Variants in SCNN1A observed in about 807,000 individuals in gnomAD.
The protein encoded by SCNN1A is epithelial sodium channel subunit alpha.
In SCNN1A, 65 loss-of-function variants were observed where a neutral mutation model predicts 68.6. The ratio of observed to expected loss-of-function variants is 0.95; its 90% CI spans 0.78 to 1.16. The LOEUF (loss-of-function observed/expected upper bound fraction) is 1.16, where lower values mean the gene tolerates loss of function less well. Ranked by LOEUF, SCNN1A falls within the 50% of genes most tolerant of loss-of-function variation. The pLI is 0.00. For missense variants in SCNN1A, 880 were observed against 865.9 expected (o/e 1.02, Z -0.20); for synonymous variants, 357 against 353.3 (o/e 1.01, Z -0.12).
upstream of SCNN1A, chr12:6,375,915 G>A (rs1237878795): frequency 7.7e-6 from 9 of 1,164,212 alleles, no homozygotes; most frequent in African/African-American, 3.2e-5. Context: ...GAGGGACAGC[G>A]AAGGACAGAG....
Position 6,354,569 on chromosome 12 carries a change from G to C in SCNN1A, c.1243-14C>G. On this transcript the variant is annotated splice_polypyrimidine_tract_variant and intron_variant, in intron 7 of 12. Transcript: ENST00000228916. ...GTGAATACACACCTGGAAGGGAGGAGGGTGGAGAGGAGAGGGGGTTCAGGC... is the reference window on the plus strand; with the variant it reads ...GTGAATACACACCTGGAAGGGAGGACGGTGGAGAGGAGAGGGGGTTCAGGC... The C allele has an allele frequency of 1.3e-6, 2 of 1,589,880 alleles. No individual in the cohort carries two copies. The highest frequency in any genetic ancestry group is 2.2e-5 in the South Asian group (2 of 90,586).
At chr12:6,363,924 C>G (rs997304800) in intron 2 of SCNN1A, 3 of 469,586 alleles carry the variant, frequency 6.4e-6, no homozygotes, top group African/African-American at 2.0e-5. Flanking sequence ...CGAGCCCAGC[C>G]GGGACACTGT....
intron 4 of SCNN1A, among the ~76,000 whole-genome samples, chr12:6,359,655 G>T (rs1049052303): frequency 6.6e-6 from 1 of 151,830 alleles, no homozygotes; most frequent in Non-Finnish European, 1.5e-5. Context: ...AAAGTTTCCT[G>T]AGGCCTCCCC....
intron 3 of SCNN1A, 142 bp from the exon 4 acceptor site, chr12:6,362,383 T>C: frequency 1.3e-6 from 1 of 771,288 alleles, no homozygotes; most frequent in Non-Finnish European, 2.3e-6. Flanking sequence ...AAGACAGAAG[T>C]GGAAGAGAAG....
At chr12:6,371,397 A>C (rs1948787425) in intron 2 of SCNN1A, among the ~76,000 whole-genome samples, 2 of 151,684 alleles carry the variant, frequency 1.3e-5, no homozygotes, top group African/African-American at 4.8e-5. Flanking sequence ...GCTGCCCCCG[A>C]CCCTGGGAGG....
upstream of SCNN1A, chr12:6,375,886 G>GA (rs1948898383): frequency 1.6e-6 from 2 of 1,265,874 alleles, no homozygotes; most frequent in East Asian, 7.1e-5. Flanking sequence ...CAGGAGGGCA[G>GA]AAAGAGGGAG....
Position 6,349,192 on chromosome 12 carries a change from T to C in SCNN1A, c.1469A>G (p.Tyr490Cys), listed in dbSNP as rs1478918750. The C allele has an allele frequency of 6.2e-7, 1 of 1,614,052 alleles. No homozygotes were observed. The highest frequency in any genetic ancestry group is 2.2e-5 in the East Asian group (1 of 44,884). Reference protein sequence around the residue: ...SVTSYQLSAGYSRWPSVTSQE... With the variant: ...SVTSYQLSAGCSRWPSVTSQE... ...GGATGTCACCGAGGGCCATCGTGAG[T>C]AACCAGCAGAGAGCTGGTAGCTGGT... The change falls in exon 10 of 13, where the codon TAC becomes TGC. Residue 490 changes from tyrosine (Y) to cysteine (C), a missense_variant. Physicochemically the swap from Tyr to Cys is radical, Grantham distance 194. Coordinates refer to ENST00000228916, the MANE Select transcript of SCNN1A (RefSeq NM_001038.6).
chr12:6,354,645 C>T (rs1049872742), intron 7 of SCNN1A, 90 bp from the exon 8 acceptor site: 1 of 1,413,096 alleles, frequency 7.1e-7, no homozygotes, highest in Admixed American at 1.7e-5. Context: ...TCCACCACCC[C>T]CCAGTTTCCC....
intron 12 of SCNN1A, 39 bp downstream of exon 12, chr12:6,348,688 C>T (rs947021327): frequency 1.9e-6 from 3 of 1,549,930 alleles, no homozygotes; most frequent in Non-Finnish European, 2.7e-6. Context: ...CTAAGTAAGA[C>T]CCCCAGAGCA....
At chr12:6,360,711 G>T (rs1387885647) in intron 4 of SCNN1A, among the ~76,000 whole-genome samples, 2 of 152,226 alleles carry the variant, frequency 1.3e-5, no homozygotes, top group African/African-American at 4.8e-5. Context: ...GAGGCAGGGA[G>T]ATGGCTCCGG....
At position 6,374,636 on chromosome 12, in the gene SCNN1A, C is replaced by G. The variant is rs779740460; in HGVS notation, c.148G>C (p.Glu50Gln). 1.9e-6 allele frequency: 3 copies of G among 1,613,422 alleles called. No homozygotes were observed. The highest frequency in any genetic ancestry group is 4.5e-5 in the East Asian group (2 of 44,860). ...QPTAEEEALIEFHRSYRELFE... is the reference protein window; with the variant it reads ...QPTAEEEALIQFHRSYRELFE... ...AGCTCTCGGTAGGAGCGGTGGAACTCGATCAGGGCCTCCTCCTCCGCCGTG... is the reference window on the plus strand; with the variant it reads ...AGCTCTCGGTAGGAGCGGTGGAACTGGATCAGGGCCTCCTCCTCCGCCGTG... Residue 50 changes from glutamate to glutamine, a missense_variant, in exon 2 of 13, where the codon GAG becomes CAG. Transcript: ENST00000228916. The surrounding 1 kb of genome is among the most constrained non-coding windows in gnomAD (Gnocchi z 6.2).
At chr12:6,363,860 CGTCCGGCGGTGAAGGGTAAACAGGTGT>C in intron 2 of SCNN1A, 150 bp from the exon 3 acceptor site, 1 of 605,914 alleles carries the variant, frequency 1.7e-6, no homozygotes, top group Non-Finnish European at 2.6e-6. Flanking sequence ...GCCTCCTGGC[CGTCCGGCGGTGAAGGGTAAACAGGTGT>C]GTCCGCCGGG....
intron 2 of SCNN1A, among the ~76,000 whole-genome samples, chr12:6,364,343 T>C (rs1427564058): frequency 6.6e-6 from 1 of 152,148 alleles, no homozygotes; most frequent in Non-Finnish European, 1.5e-5. Context: ...TATTACCATC[T>C]CCATCATGAA....
chr12:6,376,958 G>A (rs999482662), upstream of SCNN1A, among the ~76,000 whole-genome samples: 4 of 152,190 alleles, frequency 2.6e-5, no homozygotes, highest in South Asian at 2.1e-4. Context: ...TCTTTAAAAC[G>A]GACTTCTAAC....
At chr12:6,355,491 G>C (rs771347806) in intron 5 of SCNN1A, 56 bp from the exon 6 acceptor site, 148 of 1,587,460 alleles carry the variant, frequency 9.3e-5, no homozygotes, top group Non-Finnish European at 1.2e-4. Context: ...AAAAGAGTTA[G>C]GAGATGGAAA....
At position 6,374,252 on chromosome 12, in the gene SCNN1A, G is replaced by C; in HGVS notation, c.416+116C>G. Reference sequence around the variant, plus strand: ...CCAGCAGTGAGCTCTACCTGGGACAGGGGTGTCAGTTCCCACCCTCAGGTC... The same window carrying C: ...CCAGCAGTGAGCTCTACCTGGGACACGGGTGTCAGTTCCCACCCTCAGGTC... On this transcript the variant is annotated intron_variant, in intron 2 of 12. Transcript: ENST00000228916. This position sits in a 1 kb window ranked among gnomAD's most constrained non-coding sequence, Gnocchi z 6.2. 2.6e-6 allele frequency: 3 copies of C among 1,133,234 alleles called. No individual in the cohort carries two copies. The highest frequency in any genetic ancestry group is 3.8e-6 in the Non-Finnish European group (3 of 785,304). The allele number at this position is 1,133,234 out of a possible 1,614,324, so 70.2% of individuals were successfully genotyped here.
rs527985972 is a variant in SCNN1A, at chr12:6,356,681, A to G, written c.876-801T>C. The stretch of plus-strand genomic sequence containing the variant: ...ACAGCTGCAGTAGGACTGCAATTTC[A>G]CAGCAAATCACAGGTTCCAGAACAG... On this transcript the variant is annotated intron_variant, in intron 4 of 12. Coordinates refer to ENST00000228916, the MANE Select transcript of SCNN1A (RefSeq NM_001038.6). 6.6e-5 allele frequency among the ~76,000 whole-genome samples: 10 copies of G among 152,320 alleles called. No homozygotes were observed. In the South Asian group the frequency reaches 2.1e-3, roughly 32 times the overall value.
chr12:6,356,185 C>G, intron 4 of SCNN1A: 3 of 446,490 alleles, frequency 6.7e-6, no homozygotes, highest in Non-Finnish European at 1.2e-5. Context: ...AGTCCAGGCT[C>G]CTCTCACCAG....
chr12:6,357,776 G>A (rs945014545), intron 4 of SCNN1A, among the ~76,000 whole-genome samples: 1 of 150,430 alleles, frequency 6.6e-6, no homozygotes. Context: ...GGCGGGTGGG[G>A]TCACCTGAGG....
Sources: gnomAD v4.1 joint callset for allele counts (sites outside exome capture counted in the v4.1 genomes callset) on GRCh38, gnomAD v4.1.1 for gene constraint, Gnocchi (gnomAD v3.1) non-coding constraint, MANE v1.5 for transcripts, NCBI Gene and HGNC (gene_info 2026-07-23, HGNC 2026-07-21) for gene names.